MSI2: variants seen among roughly 807,000 people sequenced by gnomAD.
MSI2 encodes RNA-binding protein Musashi homolog 2.
Under a neutral mutation model 45.6 loss-of-function variants are expected in MSI2, and 17 were observed. The observed-to-expected ratio is 0.37, with a 90% CI of 0.26 to 0.56. The LOEUF is 0.56. MSI2 is among the 20% of genes least tolerant of loss of function. The pLI, the probability that MSI2 is intolerant of heterozygous loss-of-function variation, is 0.77. For missense variants in MSI2, 293 were observed against 444.2 expected (o/e 0.66, Z 3.06); for synonymous variants, 156 against 158.2 (o/e 0.99, Z 0.11).
Position 57,316,939 on chromosome 17 carries a change from GA to G in MSI2, c.312+54758del, listed in dbSNP as rs5821173. Among the ~76,000 whole-genome samples, 168 of 145,396 alleles carry G rather than the reference GA, an allele frequency of 1.2e-3. No homozygotes were observed. In the South Asian group the frequency reaches 0.013, roughly 11 times the overall value. On this transcript the variant is annotated intron_variant, in intron 5 of 13. Transcript: ENST00000284073. ...ATCTTCTCAAAAGACTTTGAGGCAG[GA>G]AAAAAAAAAAGGCAGGGGGCACCTA...
chr17:57,516,945 C>T (rs2086481586), intron 6 of MSI2, among the ~76,000 whole-genome samples: 1 of 152,200 alleles, frequency 6.6e-6, no homozygotes, highest in African/African-American at 2.4e-5. Flanking sequence ...GACTCATATC[C>T]TTTTTATCCT....
chr17:57,264,274 C>G (rs563787632), intron 5 of MSI2: 1 of 151,940 alleles, frequency 6.6e-6, no homozygotes, highest in South Asian at 2.1e-4. Flanking sequence ...TTTTCCATCT[C>G]ATAGAGTTTT....
chr17:57,644,246 C>CA (rs1398457181), intron 10 of MSI2, among the ~76,000 whole-genome samples: 3 of 126,136 alleles, frequency 2.4e-5, no homozygotes, highest in African/African-American at 9.1e-5. Context: ...AATGGAAATA[C>CA]ATCTTCCTTC....
chr17:57,649,318 T>A lies in MSI2; in HGVS notation c.728-2781T>A, dbSNP rs1032470519. Among the ~76,000 whole-genome samples the A allele has an allele frequency of 2.1e-5, 3 of 142,586 alleles. 1 individual carries two copies. The East Asian group carries it at 6.3e-4, about 30-fold the overall frequency. The allele number at this position is 142,586 out of a possible 152,430, so 93.5% of individuals were successfully genotyped here. A position where few individuals can be genotyped will look rare whatever the true frequency, so the allele number is the denominator to read the frequency against. On this transcript the variant is annotated intron_variant, in intron 10 of 13. Coordinates refer to ENST00000284073, the MANE Select transcript of MSI2 (RefSeq NM_138962.4). ...AAACACAACACACACAACACATACA[T>A]ACACTCAACACACATCCACATACGC...
chr17:57,292,310 T>C lies in MSI2; in HGVS notation c.312+30118T>C, dbSNP rs1318101338. On this transcript the variant is annotated intron_variant, in intron 5 of 13. Coordinates refer to ENST00000284073, the MANE Select transcript of MSI2 (RefSeq NM_138962.4). ...GCTTAGGAGCCAGGGCATCATCACA[T>C]TGATATTTTAGAGAGAAAATTCTTG... Among the ~76,000 whole-genome samples the C allele has an allele frequency of 2.0e-5, 3 of 151,858 alleles. No individual in the cohort carries two copies. The East Asian group carries it at 5.8e-4, about 29-fold the overall frequency.
intron 5 of MSI2, among the ~76,000 whole-genome samples, chr17:57,300,045 C>T (rs1205093109): frequency 6.6e-6 from 1 of 152,224 alleles, no homozygotes; most frequent in Non-Finnish European, 1.5e-5. Flanking sequence ...CCCATCTCTA[C>T]ACAGCACCGT....
rs189094226 is a variant in MSI2, at chr17:57,360,984, G to A, written c.313-40395G>A. 1.0e-3 allele frequency among the ~76,000 whole-genome samples: 158 copies of A among 152,308 alleles called. 1 individual carries two copies. Among genetic ancestry groups the A allele is most frequent in the African/African-American group, 3.8e-3 (157 of 41,570 alleles). ...TTGTCCATAAAATTTGCTATGGATT[G>A]TAACAAGTGGAATATTAACTCGGAA... On this transcript the variant is annotated intron_variant, in intron 5 of 13. Transcript: ENST00000284073.
downstream of MSI2, chr17:57,685,467 T>G (rs1331396938): frequency 1.3e-5 from 2 of 152,234 alleles, no homozygotes; most frequent in Admixed American, 1.3e-4. Context: ...GGACATGGCC[T>G]TCTTGGGTCC....
rs189333062 is a variant in MSI2, at chr17:57,486,023, G to A, written c.406-43653G>A. Among the ~76,000 whole-genome samples the A allele has an allele frequency of 6.6e-5, 10 of 152,322 alleles. No homozygotes were observed. In the East Asian group the frequency reaches 1.5e-3, roughly 24 times the overall value. ...GTACTGCAGGGAGGGGGTCGGTTTC[G>A]CCAACCAGGCTCATTCCCTCAGTCA... On this transcript the variant is annotated intron_variant, in intron 6 of 13. Transcript: ENST00000284073.
At chr17:57,559,285 TAAG>T (rs1218394812) in intron 7 of MSI2, among the ~76,000 whole-genome samples, 2 of 151,956 alleles carry the variant, frequency 1.3e-5, no homozygotes, top group Admixed American at 6.5e-5. Context: ...GCTAAGGAAA[TAAG>T]AAGGATGGGA....
At chr17:57,394,864 C>T (rs139235679) in intron 5 of MSI2, among the ~76,000 whole-genome samples, 175 of 152,342 alleles carry the variant, frequency 1.1e-3, no homozygotes, top group African/African-American at 4.0e-3. Context: ...GGTGTCCTTG[C>T]GCTTCTCCCG....
At chr17:57,562,529 C>T (rs747547304) in intron 7 of MSI2, among the ~76,000 whole-genome samples, 2 of 152,228 alleles carry the variant, frequency 1.3e-5, no homozygotes, top group Admixed American at 6.5e-5. Flanking sequence ...TCGTAGCACG[C>T]GACAGTGGGT....
chr17:57,603,027 T>C lies in MSI2; in HGVS notation c.537+6077T>C, dbSNP rs1298169445. Among the ~76,000 whole-genome samples the C allele has an allele frequency of 3.3e-5, 5 of 152,130 alleles. No individual in the cohort carries two copies. In the East Asian group the frequency reaches 9.6e-4, roughly 29 times the overall value. On this transcript the variant is annotated intron_variant, in intron 8 of 13. Coordinates refer to ENST00000284073, the MANE Select transcript of MSI2 (RefSeq NM_138962.4). ...CCATCATCATCAGAAGGAAGGGACT[T>C]GGGAATGAAGGGAGCACGGAGCCAG...
intron 5 of MSI2, among the ~76,000 whole-genome samples, chr17:57,397,238 G>T (rs1187314824): frequency 6.6e-6 from 1 of 152,142 alleles, no homozygotes; most frequent in Non-Finnish European, 1.5e-5. Flanking sequence ...CTCTTCACTG[G>T]GTAAAGAGGA....
chr17:57,635,720 A>G (rs992460733), intron 10 of MSI2, among the ~76,000 whole-genome samples: 9 of 152,356 alleles, frequency 5.9e-5, no homozygotes, highest in South Asian at 2.1e-4. Flanking sequence ...TAAAAGTGCC[A>G]GTTTGTGCTC....
At chr17:57,350,189 G>T (rs1915903477) in intron 5 of MSI2, among the ~76,000 whole-genome samples, 2 of 151,346 alleles carry the variant, frequency 1.3e-5, no homozygotes, top group Non-Finnish European at 2.9e-5. Context: ...GGTTGTTAAT[G>T]CTCCAAAGCC....
intron 8 of MSI2, chr17:57,601,502 G>C (rs1321709548): frequency 6.6e-6 from 1 of 152,336 alleles, no homozygotes; most frequent in African/African-American, 2.4e-5. Context: ...AGCAGCCCCT[G>C]AGCAGCAGGG....
the MSI2 span, among the ~76,000 whole-genome samples, chr17:57,690,276 C>A: frequency 5.3e-5 from 8 of 151,004 alleles, no homozygotes; most frequent in Non-Finnish European, 1.0e-4. Flanking sequence ...ATCTGGATAT[C>A]TTCTTTGATG....
intron 7 of MSI2, among the ~76,000 whole-genome samples, chr17:57,543,386 G>A (rs1320138077): frequency 6.6e-6 from 1 of 152,200 alleles, no homozygotes; most frequent in East Asian, 1.9e-4. Context: ...CTGTAGTTCC[G>A]CCTTGGACCC....
Sources: allele counts gnomAD v4.1 joint callset (sites outside exome capture counted in the v4.1 genomes callset), GRCh38; gene constraint gnomAD v4.1.1; transcripts MANE v1.5; gene names NCBI Gene and HGNC (gene_info 2026-07-23, HGNC 2026-07-21).